PEX5L: variants seen among roughly 807,000 people sequenced by gnomAD.
PEX5L encodes the protein peroxisomal biogenesis factor 5 like, also known as PEX5-related protein.
A neutral mutation model predicts 84.0 loss-of-function variants in PEX5L; 30 were observed. The ratio of observed to expected loss-of-function variants is 0.36; its 90% confidence interval spans 0.27 to 0.48. PEX5L has a LOEUF of 0.48. PEX5L is among the 20% of genes least tolerant of loss of function. The pLI, the probability that PEX5L is intolerant of heterozygous loss-of-function variation, is 0.99. For missense variants in PEX5L, 533 were observed against 754.6 expected, an observed-to-expected ratio of 0.71 and a Z score of 3.44; for synonymous variants, 270 against 283.1, an observed-to-expected ratio of 0.95 and a Z score of 0.46.
At chr3:179,811,099 C>G (rs988245349) in intron 11 of PEX5L, among the ~76,000 whole-genome samples, 1 of 151,912 alleles carries the variant, frequency 6.6e-6, no homozygotes, top group Non-Finnish European at 1.5e-5. Flanking sequence ...ATTGTAAAGC[C>G]CTAGAATTGC....
chr3:179,902,781 CTT>C lies in PEX5L; in HGVS notation c.94-4537_94-4536del, dbSNP rs1261543518. On this transcript the variant is annotated intron_variant, in intron 2 of 14. Coordinates refer to ENST00000467460, the MANE Select transcript of PEX5L (RefSeq NM_016559.3). ...CTACCAAGGAATTTGTAATTTAAAACTTATTTTCATTATTTTTAAAACTCTCA... is the reference window on the plus strand; with the variant it reads ...CTACCAAGGAATTTGTAATTTAAAACATTTTCATTATTTTTAAAACTCTCA... 3.3e-5 allele frequency: 13 copies of C among 396,214 alleles called. 1 individual carries two copies. The highest frequency in any genetic ancestry group is 3.1e-4 in the Admixed American group (10 of 31,868). The allele number at this position is 396,214 out of a possible 1,614,324, so 24.5% of individuals were successfully genotyped here.
rs778727116 is a variant in PEX5L at position 179,811,854 on chromosome 3, C to A, written c.1101G>T (p.Gly367=). ...PGDAEAWQFL[G]ITQAENENEQ... is the part of the protein sequence containing the mutation. The stretch of plus-strand genomic sequence containing the variant: ...CATTTTCATTCTCCGCCTGGGTTAT[C>A]CCGAGGAACTGCCATGCCTACGAAA... The change falls in exon 11 of 15, where the codon GGG becomes GGT. Residue 367 remains glycine, a synonymous_variant. Transcript: ENST00000467460. 2 of 1,613,804 alleles carry A rather than the reference C, an allele frequency of 1.2e-6. No homozygotes were observed. Among genetic ancestry groups the A allele is most frequent in the South Asian group, 2.2e-5 (2 of 91,070 alleles).
chr3:179,992,181 A>C (rs546987361), intron 1 of PEX5L, among the ~76,000 whole-genome samples: 4 of 152,218 alleles, frequency 2.6e-5, no homozygotes, highest in Non-Finnish European at 5.9e-5. Context: ...TATGCAATAT[A>C]TTCTTCCCAG....
intron 1 of PEX5L, among the ~76,000 whole-genome samples, chr3:179,977,432 T>C (rs1178811524): frequency 2.0e-5 from 3 of 152,208 alleles, no homozygotes; most frequent in Non-Finnish European, 4.4e-5. Context: ...GCCCCTTTCC[T>C]CTTGACTCTC....
At position 179,936,903 on chromosome 3, in the gene PEX5L, T is replaced by C. The variant is rs1175282618; in HGVS notation, c.93+34691A>G. ...TGAAAAGAAAAGTAAGAGGAATACA[T>C]TTGACAGCTTACATGACAGCATGAG... On this transcript the variant is annotated intron_variant, in intron 2 of 14. Coordinates refer to ENST00000467460, the MANE Select transcript of PEX5L (RefSeq NM_016559.3). Among the ~76,000 whole-genome samples the C allele has an allele frequency of 2.2e-5, 2 of 92,690 alleles. 1 individual carries two copies. Among genetic ancestry groups the C allele is most frequent in the Admixed American group, 2.0e-4 (2 of 10,128 alleles). The allele number at this position is 92,690 out of a possible 152,430, so 60.8% of individuals were successfully genotyped here. A position where few individuals can be genotyped will look rare whatever the true frequency, so the allele number is the denominator to read the frequency against.
intron 2 of PEX5L, among the ~76,000 whole-genome samples, chr3:179,924,878 A>G (rs1395445131): frequency 6.6e-6 from 1 of 152,242 alleles, no homozygotes. Flanking sequence ...GAATTTTTAA[A>G]AAGTACTGCA....
At chr3:180,024,706 A>G (rs571591157) in intron 1 of PEX5L, among the ~76,000 whole-genome samples, 1 of 151,200 alleles carries the variant, frequency 6.6e-6, no homozygotes, top group African/African-American at 2.4e-5. Context: ...GAGAGAGAGA[A>G]CTCACATGTG....
At chr3:179,844,213 T>C (rs1738390440) in intron 8 of PEX5L, among the ~76,000 whole-genome samples, 1 of 152,216 alleles carries the variant, frequency 6.6e-6, no homozygotes, top group Non-Finnish European at 1.5e-5. Flanking sequence ...ACCTGAAGGA[T>C]GCAAAGCCGT....
chr3:179,838,149 A>C (rs1735700488), intron 8 of PEX5L, among the ~76,000 whole-genome samples: 1 of 152,174 alleles, frequency 6.6e-6, no homozygotes, highest in Non-Finnish European at 1.5e-5. Context: ...AATTCTTCAA[A>C]ATTTCTGGCC....
intron 3 of PEX5L, among the ~76,000 whole-genome samples, chr3:179,891,277 C>T (rs1036290110): frequency 6.6e-6 from 1 of 152,088 alleles, no homozygotes; most frequent in Admixed American, 6.6e-5. Context: ...GGCTTTCTTC[C>T]ACAAATTCAA....
At chr3:179,932,939 G>A (rs1169991502) in intron 2 of PEX5L, among the ~76,000 whole-genome samples, 1 of 152,002 alleles carries the variant, frequency 6.6e-6, no homozygotes, top group African/African-American at 2.4e-5. Context: ...AGTCCTCATG[G>A]TGTACAATAG....
chr3:179,975,683 C>G (rs1276729596), intron 1 of PEX5L, among the ~76,000 whole-genome samples: 1 of 152,180 alleles, frequency 6.6e-6, no homozygotes, highest in African/African-American at 2.4e-5. Context: ...TTACTGTTTT[C>G]TTCATGGTTG....
At chr3:179,829,772 CTT>C (rs55899128) in intron 8 of PEX5L, among the ~76,000 whole-genome samples, 51,124 of 120,460 alleles carry the variant, frequency 0.42, 10,830 homozygotes, top group East Asian at 0.7. Flanking sequence ...CTTGCTATAT[CTT>C]TTTTTTTTTT....
intron 3 of PEX5L, among the ~76,000 whole-genome samples, chr3:179,893,105 C>T (rs1222990240): frequency 6.6e-6 from 1 of 152,260 alleles, no homozygotes; most frequent in Non-Finnish European, 1.5e-5. Context: ...AACCATTACA[C>T]CTTCTTTGTA....
At chr3:180,011,255 C>T (rs187811674) in intron 1 of PEX5L, among the ~76,000 whole-genome samples, 4 of 152,242 alleles carry the variant, frequency 2.6e-5, no homozygotes, top group Non-Finnish European at 4.4e-5. Context: ...ACTTCAGAAC[C>T]AAGGTTGGAT....
Position 179,863,075 on chromosome 3 carries a change from T to C in PEX5L, c.727-3918A>G, listed in dbSNP as rs541882712. ...TGTTTTTCTACAAAGTTGCCAAGAA[T>C]ACACAATGGAGAAAGAACAGTGTCT... is the stretch of plus-strand genomic sequence containing the variant. On this transcript the variant is annotated intron_variant, in intron 7 of 14. Transcript: ENST00000467460. Among the ~76,000 whole-genome samples, 13 of 152,270 alleles carry C rather than the reference T, an allele frequency of 8.5e-5. 1 individual carries two copies. The South Asian group carries it at 2.1e-3, about 24-fold the overall frequency.
intron 1 of PEX5L, among the ~76,000 whole-genome samples, chr3:180,015,552 A>G (rs1789870706): frequency 6.6e-6 from 1 of 152,132 alleles, no homozygotes; most frequent in Non-Finnish European, 1.5e-5. Context: ...ATTATTAAAA[A>G]CTAAAACAAA....
intron 10 of PEX5L, among the ~76,000 whole-genome samples, chr3:179,813,344 A>G (rs1309995496): frequency 1.3e-5 from 2 of 152,198 alleles, no homozygotes; most frequent in African/African-American, 2.4e-5. Flanking sequence ...CCTTAAAAAA[A>G]TCTTCCAGGG....
intron 2 of PEX5L, among the ~76,000 whole-genome samples, chr3:179,955,514 G>T (rs535305204): frequency 6.9e-6 from 1 of 144,506 alleles, no homozygotes; most frequent in Non-Finnish European, 1.5e-5. Flanking sequence ...AGAAGGCACA[G>T]GTGTTAACGA....
Sources: allele counts gnomAD v4.1 joint callset (sites outside exome capture counted in the v4.1 genomes callset), GRCh38; gene constraint gnomAD v4.1.1; transcripts MANE v1.5; gene names NCBI Gene and HGNC (gene_info 2026-07-23, HGNC 2026-07-21).